The following DPYD variants were observed in gnomAD, a reference collection of about 807,000 sequenced individuals.
DPYD encodes the protein dihydropyrimidine dehydrogenase [NADP(+)].
In DPYD, 109 loss-of-function variants were observed where a neutral mutation model predicts 116.2. That is an observed-to-expected ratio of 0.94 (90% confidence interval 0.80 to 1.10). The LOEUF is 1.10. DPYD is among the 50% of genes least tolerant of loss of function. The probability of loss-of-function intolerance (pLI) is 0.00; values close to 1 mark genes in which losing one functional copy is unlikely to be tolerated. For missense variants in DPYD, 1,302 were observed against 1,254.5 expected (o/e 1.04, Z -0.57); for synonymous variants, 440 against 432.0 (o/e 1.02, Z -0.23).
chr1:97,376,887 G>GTGTGTGTGTGTATATATA, intron 15 of DPYD, among the ~76,000 whole-genome samples: 3 of 128,456 alleles, frequency 2.3e-5, no homozygotes, highest in African/African-American at 8.5e-5. Context: ...GTGTGTGTGT[G>GTGTGTGTGTGTATATATA]TATATATATA....
intron 19 of DPYD, among the ~76,000 whole-genome samples, chr1:97,229,203 CAA>C (rs34445661): frequency 1.7e-5 from 1 of 58,580 alleles, no homozygotes. Flanking sequence ...GACTCCTTCT[CAA>C]AAAAAAAAAA....
At chr1:97,333,160 C>T (rs552435594) in intron 16 of DPYD, among the ~76,000 whole-genome samples, 2 of 150,180 alleles carry the variant, frequency 1.3e-5, no homozygotes, top group Non-Finnish European at 3.0e-5. Context: ...GGTTTTCAAG[C>T]GATTACCCTG....
intron 10 of DPYD, among the ~76,000 whole-genome samples, chr1:97,588,030 T>C (rs961733150): frequency 1.3e-5 from 2 of 152,152 alleles, no homozygotes; most frequent in Non-Finnish European, 2.9e-5. Context: ...TTCTTTTAAA[T>C]GTTGTGCTAT....
chr1:97,199,023 A>G (rs1659016110), intron 19 of DPYD, among the ~76,000 whole-genome samples: 1 of 152,148 alleles, frequency 6.6e-6, no homozygotes, highest in Admixed American at 6.6e-5. Flanking sequence ...ATAGAGGCCG[A>G]CCTGTGCAGA....
At chr1:97,525,913 T>G in intron 12 of DPYD, among the ~76,000 whole-genome samples, 1 of 146,058 alleles carries the variant, frequency 6.8e-6, no homozygotes, top group East Asian at 2.1e-4. Flanking sequence ...TGTGTGTGTG[T>G]TTTAGGCCAG....
intron 18 of DPYD, among the ~76,000 whole-genome samples, chr1:97,298,305 C>T (rs1480433236): frequency 1.3e-5 from 2 of 152,002 alleles, no homozygotes; most frequent in Non-Finnish European, 1.5e-5. Flanking sequence ...CCTTATGTAT[C>T]AGAAACTCTG....
chr1:97,367,107 T>G (rs897174765), intron 16 of DPYD, among the ~76,000 whole-genome samples: 15 of 152,116 alleles, frequency 9.9e-5, no homozygotes, highest in African/African-American at 3.6e-4. Flanking sequence ...AAGACTTTAT[T>G]TCCCAGGGGA....
At chr1:97,766,195 T>C (rs1193844647) in intron 3 of DPYD, among the ~76,000 whole-genome samples, 1 of 152,078 alleles carries the variant, frequency 6.6e-6, no homozygotes, top group Non-Finnish European at 1.5e-5. Context: ...GAGCCGAGAT[T>C]GCGCCATTGC....
chr1:97,516,578 C>A (rs1034557151), intron 12 of DPYD, among the ~76,000 whole-genome samples: 3 of 151,922 alleles, frequency 2.0e-5, no homozygotes, highest in African/African-American at 7.2e-5. Flanking sequence ...AAATAGGTCC[C>A]AAATAGTTTA....
chr1:97,742,759 T>C (rs1664337793), intron 3 of DPYD, among the ~76,000 whole-genome samples: 2 of 152,112 alleles, frequency 1.3e-5, no homozygotes, highest in African/African-American at 2.4e-5. Context: ...GGATTTTCTT[T>C]TATGTCGCAA....
chr1:97,592,615 C>T (rs1387398026), intron 10 of DPYD, among the ~76,000 whole-genome samples: 2 of 152,218 alleles, frequency 1.3e-5, no homozygotes, highest in African/African-American at 2.4e-5. Flanking sequence ...GATCCGCCGG[C>T]CTCAGCCTCC....
intron 18 of DPYD, among the ~76,000 whole-genome samples, chr1:97,261,550 G>A (rs1389854121): frequency 8.0e-6 from 1 of 124,680 alleles, no homozygotes; most frequent in Non-Finnish European, 1.6e-5. Flanking sequence ...CTCCTAACTT[G>A]CCAAGCAGGA....
At chr1:97,430,537 T>G (rs575717479) in intron 14 of DPYD, among the ~76,000 whole-genome samples, 1 of 151,766 alleles carries the variant, frequency 6.6e-6, no homozygotes, top group Non-Finnish European at 1.5e-5. Context: ...GGCAGTGAGC[T>G]GAAATCGCGT....
At chr1:97,747,566 T>A (rs575104327) in intron 3 of DPYD, among the ~76,000 whole-genome samples, 1 of 152,292 alleles carries the variant, frequency 6.6e-6, no homozygotes, top group East Asian at 1.9e-4. Context: ...TGATAAGCCA[T>A]GTACCTAGGA....
intron 16 of DPYD, among the ~76,000 whole-genome samples, chr1:97,363,741 G>T (rs1670873858): frequency 6.6e-6 from 1 of 152,114 alleles, no homozygotes; most frequent in African/African-American, 2.4e-5. Context: ...TCATAGGTGG[G>T]AATTTAACAA....
intron 20 of DPYD, among the ~76,000 whole-genome samples, chr1:97,153,690 T>A (rs1655201035): frequency 6.6e-6 from 1 of 151,946 alleles, no homozygotes; most frequent in Non-Finnish European, 1.5e-5. Context: ...GCAAAAGAAA[T>A]AATCAGCAGA....
chr1:97,496,987 G>C (rs76394731), intron 13 of DPYD, among the ~76,000 whole-genome samples: 12,742 of 151,876 alleles, frequency 0.084, 649 homozygotes, highest in South Asian at 0.1. Flanking sequence ...CAAATCTTTT[G>C]ATTAAAGAAT....
At chr1:97,297,944 T>A (rs1415770715) in intron 18 of DPYD, among the ~76,000 whole-genome samples, 7 of 152,166 alleles carry the variant, frequency 4.6e-5, no homozygotes, top group Admixed American at 4.6e-4. Context: ...TAAACAATGG[T>A]TTCCACTCAA....
chr1:97,476,376 A>C (rs965992263), intron 13 of DPYD, among the ~76,000 whole-genome samples: 2 of 152,252 alleles, frequency 1.3e-5, no homozygotes, highest in African/African-American at 2.4e-5. Flanking sequence ...TTAGTAGAAA[A>C]TGATAAAAAA....
Sources: allele counts gnomAD v4.1 joint callset (sites outside exome capture counted in the v4.1 genomes callset), GRCh38; gene constraint gnomAD v4.1.1; transcripts MANE v1.5; gene names NCBI Gene and HGNC (gene_info 2026-07-23, HGNC 2026-07-21).